The following ANKRD11 variants were observed in gnomAD, a reference collection of about 807,000 sequenced individuals.
ANKRD11 encodes ankyrin repeat domain 11.
Under a neutral mutation model 195.7 loss-of-function variants are expected in ANKRD11, and 17 were observed. The ratio of observed to expected loss-of-function variants is 0.09; its 90% CI spans 0.06 to 0.13. ANKRD11 has a LOEUF of 0.13. ANKRD11 is among the 10% of genes least tolerant of loss of function. ANKRD11 has a pLI of 1.00. For missense variants in ANKRD11, 3,735 were observed against 3,566.1 expected, an observed-to-expected ratio of 1.05 and a Z score of -1.21; for synonymous variants, 1,953 against 1,528.1, an observed-to-expected ratio of 1.28 and a Z score of -6.49.
At chr16:89,488,412 G>C (rs898507157) in intron 1 of ANKRD11, among the ~76,000 whole-genome samples, 1 of 151,602 alleles carries the variant, frequency 6.6e-6, no homozygotes, top group African/African-American at 2.4e-5. Context: ...CAATGCAAGG[G>C]TCACAATGAA....
intron 2 of ANKRD11, among the ~76,000 whole-genome samples, chr16:89,402,489 G>A (rs778906321): frequency 1.4e-4 from 21 of 151,960 alleles, no homozygotes; most frequent in Non-Finnish European, 2.6e-4. Context: ...AGAGCATCCT[G>A]GGAATGACAG....
At chr16:89,299,288 G>T in intron 4 of ANKRD11, 1 of 206,736 alleles carries the variant, frequency 4.8e-6, no homozygotes. Context: ...GCCTTGGGCT[G>T]GCCCTGCCCT....
At chr16:89,408,661 C>A (rs1318875739) in intron 2 of ANKRD11, among the ~76,000 whole-genome samples, 1 of 152,180 alleles carries the variant, frequency 6.6e-6, no homozygotes, top group Non-Finnish European at 1.5e-5. Context: ...TCCTCGCACC[C>A]CCTGCCACCC....
At chr16:89,288,020 C>T (rs1366136145) in intron 7 of ANKRD11, 1 of 512,754 alleles carries the variant, frequency 2.0e-6, no homozygotes, top group African/African-American at 1.9e-5. Flanking sequence ...CACACCACGA[C>T]CTCTCTCGAC....
intron 4 of ANKRD11, among the ~76,000 whole-genome samples, chr16:89,303,600 C>A (rs1234831570): frequency 6.6e-6 from 1 of 152,180 alleles, no homozygotes; most frequent in African/African-American, 2.4e-5. Flanking sequence ...GAGACAGGAG[C>A]CATGTGCCTG....
intron 9 of ANKRD11, 120 bp from the exon 10 acceptor site, chr16:89,275,311 G>A (rs2033556743): frequency 1.3e-6 from 1 of 793,334 alleles, no homozygotes; most frequent in East Asian, 2.7e-5. Flanking sequence ...CTGCCCTGGA[G>A]GCCTCCTCCA....
chr16:89,314,812 T>C (rs949666518), intron 3 of ANKRD11, among the ~76,000 whole-genome samples: 7 of 152,122 alleles, frequency 4.6e-5, no homozygotes, highest in Non-Finnish European at 8.8e-5. Context: ...TTCTGCATCC[T>C]ACCCAGGCCA....
chr16:89,388,254 G>A (rs1027128421), intron 2 of ANKRD11, among the ~76,000 whole-genome samples: 1 of 150,490 alleles, frequency 6.6e-6, no homozygotes, highest in African/African-American at 2.4e-5. Flanking sequence ...CAGGGCCCAC[G>A]CGGGTGGTGC....
Position 89,427,824 on chromosome 16 carries a change from C to A in ANKRD11, c.-144-9456G>T, listed in dbSNP as rs932124145. ...AAAAAAGTCTAGTAATCGTATGATG[C>A]CAGGTTTTTCTAAAATGATTATTTT... On this transcript the variant is annotated intron_variant, in intron 1 of 12. Transcript: ENST00000301030. Among the ~76,000 whole-genome samples, 14 of 151,796 alleles carry A rather than the reference C, an allele frequency of 9.2e-5. No homozygotes were observed. The South Asian group carries it at 2.3e-3, about 25-fold the overall frequency.
rs1299333411 is a variant in ANKRD11 at position 89,294,083 on chromosome 16, C to T, written c.227-2900G>A. Among the ~76,000 whole-genome samples the T allele has an allele frequency of 2.0e-5, 3 of 152,150 alleles. No homozygotes were observed. The East Asian group carries it at 5.8e-4, about 29-fold the overall frequency. ...CCCCAGAGACTTCCTGGGTGGGCTC[C>T]AGGGCCTGAGCCTCAGGGTCAGGGC... On this transcript the variant is annotated intron_variant, in intron 4 of 12. Transcript: ENST00000301030.
At chr16:89,424,069 T>A (rs1181121176) in intron 1 of ANKRD11, among the ~76,000 whole-genome samples, 1 of 151,858 alleles carries the variant, frequency 6.6e-6, no homozygotes, top group Non-Finnish European at 1.5e-5. Flanking sequence ...GGGAGGGACT[T>A]GCATTAGAGG....
In ANKRD11 at chr16:89,330,017, AAAT is replaced by A. The variant is rs1247498215; in HGVS notation, c.-59-12942_-59-12940del. ...CTCAAAAATAAAATAAAATAAAATA[AAAT>A]AAAATAAAATGTAAAAACATAAAAT... is the stretch of plus-strand genomic sequence containing the variant. On this transcript the variant is annotated intron_variant, in intron 2 of 12. Transcript: ENST00000301030. 6.6e-5 allele frequency among the ~76,000 whole-genome samples: 10 copies of A among 152,076 alleles called. No homozygotes were observed. In the East Asian group the frequency reaches 1.7e-3, roughly 26 times the overall value.
chr16:89,390,658 CAGGCAAA>C (rs1434635673), intron 2 of ANKRD11, among the ~76,000 whole-genome samples: 7 of 152,072 alleles, frequency 4.6e-5, no homozygotes, highest in African/African-American at 1.7e-4. Flanking sequence ...TAAAGAAGAA[CAGGCAAA>C]AGGGACGACA....
chr16:89,344,629 G>T (rs2038852694), intron 2 of ANKRD11, among the ~76,000 whole-genome samples: 1 of 152,324 alleles, frequency 6.6e-6, no homozygotes, highest in Admixed American at 6.5e-5. Context: ...CAGGCTGAGG[G>T]GCCCAGGAAG....
At chr16:89,488,417 A>G (rs1810372881) in intron 1 of ANKRD11, among the ~76,000 whole-genome samples, 1 of 151,972 alleles carries the variant, frequency 6.6e-6, no homozygotes, top group Non-Finnish European at 1.5e-5. Context: ...CAAGGGTCAC[A>G]ATGAAGGCTG....
Position 89,284,502 on chromosome 16 carries a change from A to C in ANKRD11, c.2040T>G (p.Thr680=). 2 of 1,613,990 alleles carry C rather than the reference A, an allele frequency of 1.2e-6. No individual in the cohort carries two copies. Among genetic ancestry groups the C allele is most frequent in the Non-Finnish European group, 1.7e-6 (2 of 1,180,028 alleles). Residue 680 remains threonine (T), a synonymous_variant, in exon 9 of 13, where the codon ACT becomes ACG. Transcript: ENST00000301030. ...GCTTTAACACTTTTAGCTTGTTTTCAGTGGAAAGATCATTCTCTAACAGTA... is the reference window on the plus strand; with the variant it reads ...GCTTTAACACTTTTAGCTTGTTTTCCGTGGAAAGATCATTCTCTAACAGTA... ...KAILLENDLS[T]ENKLKVLKHD...
chr16:89,306,080 T>C (rs1439499033), intron 3 of ANKRD11, among the ~76,000 whole-genome samples: 1 of 65,210 alleles, frequency 1.5e-5, no homozygotes, highest in Non-Finnish European at 2.9e-5. Flanking sequence ...ACGCGCCATC[T>C]ACCTCCCACT....
intron 1 of ANKRD11, among the ~76,000 whole-genome samples, chr16:89,482,539 C>T (rs1420990172): frequency 1.3e-5 from 2 of 152,126 alleles, no homozygotes; most frequent in African/African-American, 4.8e-5. Flanking sequence ...CCTTAGGTTA[C>T]GTGGAAAAGG....
chr16:89,446,932 G>A (rs979247265), intron 1 of ANKRD11, among the ~76,000 whole-genome samples: 12 of 152,038 alleles, frequency 7.9e-5, no homozygotes, highest in Admixed American at 6.6e-4. Context: ...AGGGACAGCC[G>A]AGGTGTTCTC....
Sources: gnomAD v4.1 joint callset for allele counts (sites outside exome capture counted in the v4.1 genomes callset) on GRCh38, gnomAD v4.1.1 for gene constraint, MANE v1.5 for transcripts, NCBI Gene and HGNC (gene_info 2026-07-23, HGNC 2026-07-21) for gene names.